PDE10A: variants seen among roughly 807,000 people sequenced by gnomAD.
PDE10A encodes phosphodiesterase 10A.
Under a neutral mutation model 97.7 loss-of-function variants are expected in PDE10A, and 39 were observed. The observed-to-expected ratio is 0.40, with a 90% CI of 0.31 to 0.52. The LOEUF (loss-of-function observed/expected upper bound fraction) is 0.52. Among genes scored for constraint, PDE10A ranks in the 20% least tolerant of loss-of-function variants. PDE10A has a pLI of 0.56. For synonymous variants in PDE10A, 371 were observed against 376.8 expected (o/e 0.98, Z 0.18); for missense variants, 731 against 1,047.8 (o/e 0.70, Z 4.17).
rs535584594 is a variant in PDE10A at position 165,335,543 on chromosome 6, G to T, written c.3065+580C>A. Among the ~76,000 whole-genome samples the T allele has an allele frequency of 2.0e-5, 3 of 152,144 alleles. No individual in the cohort carries two copies. The South Asian group carries it at 6.2e-4, about 32-fold the overall frequency. ...GCTGTACGAGTCATGAGAGCCAGGGGCCCCTCTTGCAGGACTGACTCCATG... is the reference window on the plus strand; with the variant it reads ...GCTGTACGAGTCATGAGAGCCAGGGTCCCCTCTTGCAGGACTGACTCCATG... On this transcript the variant is annotated intron_variant, in intron 21 of 21. Transcript: ENST00000539869.
In PDE10A at chr6:165,724,710, A is replaced by G. The variant is rs139258402; in HGVS notation, c.-614-181142T>C. Among the ~76,000 whole-genome samples, 261 of 152,364 alleles carry G rather than the reference A, an allele frequency of 1.7e-3. 1 individual carries two copies. The highest frequency in any genetic ancestry group is 5.8e-3 in the African/African-American group (243 of 41,588). On this transcript the variant is annotated intron_variant, in intron 1 of 19. Coordinates refer to the PDE10A transcript ENST00000366882. ...TTTTCCCAGAAATGACTATAATCCA[A>G]TGAGGTTTACTTATATGATCAGTAA...
intron 1 of PDE10A, among the ~76,000 whole-genome samples, chr6:165,788,535 A>AG (rs1554321897): frequency 1.4e-3 from 203 of 149,362 alleles, no homozygotes; most frequent in Non-Finnish European, 1.8e-3. Flanking sequence ...AAAAAAAAAA[A>AG]AAAAGAAAAG....
chr6:165,766,734 G>A (rs1777860743), intron 1 of PDE10A, among the ~76,000 whole-genome samples: 1 of 152,232 alleles, frequency 6.6e-6, no homozygotes, highest in Non-Finnish European at 1.5e-5. Flanking sequence ...TCCTTCCTGA[G>A]AGAAGCAGGC....
At chr6:165,641,155 G>C (rs1195123104) in intron 1 of PDE10A, among the ~76,000 whole-genome samples, 1 of 152,070 alleles carries the variant, frequency 6.6e-6, no homozygotes. Flanking sequence ...GCAGACACGT[G>C]GGGGCCAGTA....
intron 1 of PDE10A, among the ~76,000 whole-genome samples, chr6:165,630,349 A>C (rs1054469726): frequency 6.6e-6 from 1 of 152,286 alleles, no homozygotes; most frequent in East Asian, 1.9e-4. Flanking sequence ...CCCTGTCTCA[A>C]TTTAAACAAA....
chr6:165,711,678 C>G lies in PDE10A; in HGVS notation c.-614-168110G>C, dbSNP rs1348706471. The stretch of plus-strand genomic sequence containing the variant: ...GATGAAAAGTGAGACTCAGGAAGCC[C>G]CTTTAATACCTGCTGAGCTACGTTC... On this transcript the variant is annotated intron_variant, in intron 1 of 19. Transcript: ENST00000366882. This position sits in a 1 kb window ranked among gnomAD's most constrained non-coding sequence, Gnocchi z 4.5. Among the ~76,000 whole-genome samples the G allele has an allele frequency of 6.6e-6, 1 of 152,130 alleles. No homozygotes were observed. The highest frequency in any genetic ancestry group is 1.5e-5 in the Non-Finnish European group (1 of 68,036).
intron 1 of PDE10A, among the ~76,000 whole-genome samples, chr6:165,911,135 G>T (rs549530298): frequency 6.6e-6 from 1 of 152,190 alleles, no homozygotes; most frequent in African/African-American, 2.4e-5. Flanking sequence ...AGTAATGGCG[G>T]TTTTTGCCAT....
chr6:165,629,015 G>GTT (rs886522739), intron 1 of PDE10A, among the ~76,000 whole-genome samples: 1 of 148,310 alleles, frequency 6.7e-6, no homozygotes, highest in South Asian at 2.1e-4. Flanking sequence ...ATTTTTATGG[G>GTT]TTTTTTTTTT....
At chr6:165,659,615 A>G (rs1341177756) in intron 1 of PDE10A, among the ~76,000 whole-genome samples, 1 of 152,218 alleles carries the variant, frequency 6.6e-6, no homozygotes, top group East Asian at 1.9e-4. Flanking sequence ...TCATGTCCCA[A>G]ATAAGACTGT....
At chr6:165,622,995 C>G (rs556046572) in intron 1 of PDE10A, among the ~76,000 whole-genome samples, 1 of 152,176 alleles carries the variant, frequency 6.6e-6, no homozygotes, top group Non-Finnish European at 1.5e-5. Flanking sequence ...AGGTGACGCA[C>G]CTGCTCCCGC....
chr6:165,547,407 G>A (rs900022550), intron 1 of PDE10A, among the ~76,000 whole-genome samples: 1 of 152,106 alleles, frequency 6.6e-6, no homozygotes, highest in Non-Finnish European at 1.5e-5. Flanking sequence ...AATTTTCGCA[G>A]TGCAATCTGC....
rs138774669 is a variant in PDE10A at position 165,528,838 on chromosome 6, C to G, written c.994+14602G>C. Among the ~76,000 whole-genome samples the G allele has an allele frequency of 2.4e-3, 370 of 152,264 alleles. 12 individuals carry two copies. The East Asian group carries it at 0.047, about 19-fold the overall frequency. On this transcript the variant is annotated intron_variant, in intron 2 of 21. Transcript: ENST00000539869. ...CCTTTTGAAGTCACAATTACAACAC[C>G]AACTAGGTGACAATATTTTGCAGGG...
rs369209398 is a variant in PDE10A, at chr6:165,366,013, T to A, written c.2783+13181A>T. Among the ~76,000 whole-genome samples the A allele has an allele frequency of 9.2e-5, 14 of 152,016 alleles. No individual in the cohort carries two copies. In the East Asian group the frequency reaches 2.5e-3, roughly 27 times the overall value. ...AAGTACAGTTCAGGAAATTAAGGAG[T>A]GGCACAAAATTAGAAAATTTAAAAA... On this transcript the variant is annotated intron_variant, in intron 18 of 21. Coordinates refer to ENST00000539869, the MANE Select transcript of PDE10A (RefSeq NM_001385079.1).
At chr6:165,683,936 T>G (rs1020283401) in intron 1 of PDE10A, among the ~76,000 whole-genome samples, 1 of 152,186 alleles carries the variant, frequency 6.6e-6, no homozygotes, top group African/African-American at 2.4e-5. Context: ...TCCTGGCTAT[T>G]CCTCAGATAT....
At chr6:165,809,246 T>G (rs1216065797) in intron 1 of PDE10A, among the ~76,000 whole-genome samples, 1 of 152,210 alleles carries the variant, frequency 6.6e-6, no homozygotes, top group Non-Finnish European at 1.5e-5. Context: ...AGTCCTGGAC[T>G]AAGCTGGGTG....
At chr6:165,577,765 G>C (rs1295460712) in intron 1 of PDE10A, among the ~76,000 whole-genome samples, 4 of 152,200 alleles carry the variant, frequency 2.6e-5, no homozygotes, top group African/African-American at 9.6e-5. Context: ...GGTGGGCACA[G>C]GCACTTCTGA....
intron 1 of PDE10A, among the ~76,000 whole-genome samples, chr6:165,695,209 C>CAAA (rs71029559): frequency 2.4e-5 from 3 of 123,586 alleles, no homozygotes; most frequent in African/African-American, 6.2e-5. Flanking sequence ...TGAAAACTAC[C>CAAA]AAAAAAAAAA....
chr6:165,983,349 A>G (rs1273816070), intron 1 of PDE10A, among the ~76,000 whole-genome samples: 1 of 152,192 alleles, frequency 6.6e-6, no homozygotes, highest in African/African-American at 2.4e-5. Context: ...AAGTATCAGC[A>G]CAGGACCTGA....
In PDE10A at chr6:165,493,407, G is replaced by A. The variant is rs763322811; in HGVS notation, c.995-11064C>T. Among the ~76,000 whole-genome samples, 7 of 152,176 alleles carry A rather than the reference G, an allele frequency of 4.6e-5. No individual in the cohort carries two copies. The South Asian group carries it at 6.2e-4, about 14-fold the overall frequency. On this transcript the variant is annotated intron_variant, in intron 2 of 21. Transcript: ENST00000539869. ...AAGGCTAAGCAAAAAGAACAAATCC[G>A]GAGGCATCACATTATCCAACTTCAA... is the stretch of plus-strand genomic sequence containing the variant.
Sources: allele counts gnomAD v4.1 joint callset (sites outside exome capture counted in the v4.1 genomes callset), GRCh38; gene constraint gnomAD v4.1.1; non-coding constraint Gnocchi (gnomAD v3.1); transcripts MANE v1.5; gene names NCBI Gene and HGNC (gene_info 2026-07-23, HGNC 2026-07-21).